WIZ: variants seen among roughly 807,000 people sequenced by gnomAD.
The protein encoded by WIZ is WIZ zinc finger, also known as protein Wiz.
A neutral mutation model predicts 140.2 loss-of-function variants in WIZ; 25 were observed. The ratio of observed to expected loss-of-function variants is 0.18; its 90% CI spans 0.13 to 0.25. The LOEUF (loss-of-function observed/expected upper bound fraction) is 0.25. Among genes scored for constraint, WIZ ranks in the 10% least tolerant of loss-of-function variants. The pLI is 1.00. For synonymous variants in WIZ, 1,125 were observed against 1,154.3 expected (o/e 0.97, Z 0.51); for missense variants, 2,231 against 2,632.6 (o/e 0.85, Z 3.34).
At chr19:15,438,303 G>A (rs1301441443) in intron 4 of WIZ, among the ~76,000 whole-genome samples, 4 of 152,182 alleles carry the variant, frequency 2.6e-5, no homozygotes, top group Non-Finnish European at 5.9e-5. Context: ...GGGGAACCTT[G>A]CTCAGTAAAT....
intron 1 of WIZ, 62 bp downstream of exon 1, chr19:15,449,736 C>G (rs1394174042): frequency 6.9e-6 from 1 of 144,792 alleles, no homozygotes; most frequent in Non-Finnish European, 1.5e-5. Flanking sequence ...GGCCCGGGGC[C>G]TCCCCCGCCC....
chr19:15,428,423 G>A lies in WIZ; in HGVS notation c.3501C>T (p.Ala1167=). The change falls in exon 8 of 13, where the codon GCC becomes GCT. Residue 1167 remains alanine (A), a synonymous_variant. Transcript: ENST00000673675. This position sits in a 1 kb window ranked among gnomAD's most constrained non-coding sequence, Gnocchi z 6.4. The part of the protein sequence containing the change: ...FETRKGLSSH[A]RAHLRHLGVS... Reference sequence around the variant, plus strand: ...CGCCCAGGTGGCGCAGGTGGGCACGGGCGTGGCTAGACAGGCCCTTGCGGG... The same window carrying A: ...CGCCCAGGTGGCGCAGGTGGGCACGAGCGTGGCTAGACAGGCCCTTGCGGG... The A allele has an allele frequency of 6.5e-7, 1 of 1,535,648 alleles. No homozygotes were observed. The highest frequency in any genetic ancestry group is 8.7e-7 in the Non-Finnish European group (1 of 1,146,812).
At chr19:15,423,586 C>CA (rs2145192629) in intron 12 of WIZ, among the ~76,000 whole-genome samples, 1 of 151,902 alleles carries the variant, frequency 6.6e-6, no homozygotes, top group South Asian at 2.1e-4. Context: ...AAGCCCCCCA[C>CA]CTCCTCCTGT....
chr19:15,438,461 C>G (rs915206928), intron 4 of WIZ, 117 bp downstream of exon 4: 15 of 1,227,964 alleles, frequency 1.2e-5, no homozygotes, highest in South Asian at 3.6e-5. Flanking sequence ...GCTCTCAAGT[C>G]TCTCAGGAGC....
At position 15,430,098 on chromosome 19, in the gene WIZ, C is replaced by A; in HGVS notation, c.2912-9G>T. 6.6e-7 allele frequency: 1 copy of A among 1,513,166 alleles called. No individual in the cohort carries two copies. The highest frequency in any genetic ancestry group is 8.8e-7 in the Non-Finnish European group (1 of 1,132,150). 93.7% of individuals were successfully genotyped at this position (1,513,166 alleles called of 1,614,324 possible). ...GGTGGTCAGGCTCTGGGCTGAAGGG[C>A]AACACAGAGGCCGGGAGAGCAGGCT... On this transcript the variant is annotated splice_polypyrimidine_tract_variant and intron_variant, in intron 6 of 12. Transcript: ENST00000673675.
At chr19:15,449,038 G>A (rs1365472362) in intron 1 of WIZ, among the ~76,000 whole-genome samples, 1 of 151,796 alleles carries the variant, frequency 6.6e-6, no homozygotes, top group Non-Finnish European at 1.5e-5. Flanking sequence ...TACCCAGCTT[G>A]GGCTCCTCCA....
rs1433771177 is a variant in WIZ at position 15,440,438 on chromosome 19, A to C, written c.556T>G (p.Trp186Gly). ...CCCTGCTCGTCCTCATCTTGGAGCC[A>C]GTCGAACCTGGGGCGGCCCTGGGCA... ...KHAQGRPRFD[W>G]LQDEDEQGSP... The change falls in exon 4 of 13, where the codon TGG becomes GGG. Residue 186 changes from tryptophan to glycine, a missense_variant. Physicochemically the swap from Trp to Gly is radical, Grantham distance 184. Transcript: ENST00000673675. This position sits in a 1 kb window ranked among gnomAD's most constrained non-coding sequence, Gnocchi z 6.2. 4 of 1,535,932 alleles carry C rather than the reference A, an allele frequency of 2.6e-6. No individual in the cohort carries two copies. Among genetic ancestry groups the C allele is most frequent in the African/African-American group, 2.7e-5 (2 of 73,012 alleles).
At chr19:15,429,504 CTGTCCCT>C in intron 7 of WIZ, 75 bp downstream of exon 7, 1 of 1,251,372 alleles carries the variant, frequency 8.0e-7, no homozygotes, top group Non-Finnish European at 1.0e-6. Context: ...ACCCTGGGCC[CTGTCCCT>C]GGGCTACAGC....
At chr19:15,449,715 T>TGGCCC (rs893690902) in intron 1 of WIZ, 83 bp downstream of exon 1, 4 of 98,496 alleles carry the variant, frequency 4.1e-5, no homozygotes, top group Non-Finnish European at 5.9e-5. Flanking sequence ...GGGTCCCGCC[T>TGGCCC]GGCCCGGCCC....
In WIZ at chr19:15,427,252, G is replaced by T; in HGVS notation, c.4096C>A (p.Pro1366Thr). 6.2e-7 allele frequency: 1 copy of T among 1,613,852 alleles called. No individual in the cohort carries two copies. Among genetic ancestry groups the T allele is most frequent in the Non-Finnish European group, 8.5e-7 (1 of 1,180,030 alleles). The change falls in exon 9 of 13, where the codon CCC becomes ACC. Residue 1366 changes from proline (P) to threonine (T), a missense_variant. Coordinates refer to ENST00000673675, the MANE Select transcript of WIZ (RefSeq NM_001371589.1). The surrounding 1 kb of genome is among the most constrained non-coding windows in gnomAD (Gnocchi z 6.4). ...AAGGGTGAGATGTGAAGGTCCGAGG[G>T]GCTGCGGGCTTCCAGTGAGCTGCCA... ...GPGSSLEARS[P>T]SDLHISPLAK...
chr19:15,438,901 G>A lies in WIZ; in HGVS notation c.2093C>T (p.Ala698Val). The A allele has an allele frequency of 1.4e-6, 2 of 1,449,746 alleles. No individual in the cohort carries two copies. The highest frequency in any genetic ancestry group is 9.1e-7 in the Non-Finnish European group (1 of 1,102,036). The allele number at this position is 1,449,746 out of a possible 1,614,324, so 89.8% of individuals were successfully genotyped here. A position where few individuals can be genotyped will look rare whatever the true frequency, so the allele number is the denominator to read the frequency against. ...GGGCTGCAACCTTGGGGGCACCCTG[G>A]CTGCCGCCATGACCTGCGGCCCCAG... ...AKLGPQVMAA[A>V]RVPPRLQPEE... Residue 698 changes from alanine to valine, a missense_variant, in exon 4 of 13, where the codon GCC becomes GTC. Ala to Val is a moderately conservative substitution (Grantham distance 64, BLOSUM62 0). Around this residue, in one of 15 missense-constraint regions of WIZ, gnomAD observed 475 missense variants for 520.2 expected, o/e 0.91. Coordinates refer to ENST00000673675, the MANE Select transcript of WIZ (RefSeq NM_001371589.1).
chr19:15,432,724 G>A (rs1202074883), intron 5 of WIZ, among the ~76,000 whole-genome samples: 9 of 151,082 alleles, frequency 6.0e-5, no homozygotes, highest in Non-Finnish European at 1.3e-4. Flanking sequence ...GGCGCACGCG[G>A]GGCGGCCGCC....
At chr19:15,432,227 G>A (rs551542410) in intron 5 of WIZ, among the ~76,000 whole-genome samples, 1 of 152,120 alleles carries the variant, frequency 6.6e-6, no homozygotes, top group East Asian at 1.9e-4. Context: ...CTGTCAGACG[G>A]GGCAAAGGTC....
intron 2 of WIZ, among the ~76,000 whole-genome samples, chr19:15,446,196 G>A (rs1390381549): frequency 6.6e-6 from 1 of 152,148 alleles, no homozygotes; most frequent in African/African-American, 2.4e-5. Context: ...ATGCACGTAT[G>A]AGACCCTGGG....
In WIZ at chr19:15,428,306, G is replaced by A. The variant is rs568869884; in HGVS notation, c.3618C>T (p.Arg1206=). 231 of 1,532,512 alleles carry A rather than the reference G, an allele frequency of 1.5e-4. No homozygotes were observed. The highest frequency in any genetic ancestry group is 7.0e-4 in the South Asian group (59 of 83,774). The allele number at this position is 1,532,512 out of a possible 1,614,324, so 94.9% of individuals were successfully genotyped here. A position where few individuals can be genotyped will look rare whatever the true frequency, so the allele number is the denominator to read the frequency against. The change falls in exon 8 of 13, where the codon CGC becomes CGT. Residue 1206 remains arginine (R), a synonymous_variant. Transcript: ENST00000673675. The surrounding 1 kb of genome is among the most constrained non-coding windows in gnomAD (Gnocchi z 6.4). ...GCCGCCCCGGGTGGGCCAGGGCGCC[G>A]CGCCTGGGTGGGAGGCGGATCTGGA... ...DGVQIRLPPR[R]GALAHPGRPP...
chr19:15,440,811 C>A lies in WIZ; in HGVS notation c.279-96G>T, dbSNP rs1222692583. 2 of 1,270,950 alleles carry A rather than the reference C, an allele frequency of 1.6e-6. No homozygotes were observed. The highest frequency in any genetic ancestry group is 2.1e-6 in the Non-Finnish European group (2 of 951,152). 78.7% of individuals were successfully genotyped at this position (1,270,950 alleles called of 1,614,324 possible). A position where few individuals can be genotyped will look rare whatever the true frequency, so the allele number is the denominator to read the frequency against. On this transcript the variant is annotated intron_variant, in intron 3 of 12. Coordinates refer to ENST00000673675, the MANE Select transcript of WIZ (RefSeq NM_001371589.1). This position sits in a 1 kb window ranked among gnomAD's most constrained non-coding sequence, Gnocchi z 6.2. ...GTCCTCCCAGGCCGTTTGAAGCAGG[C>A]CCCGGAGATCCAGCCCGAGGGTGAC...
rs1969645737 is a variant in WIZ at position 15,439,437 on chromosome 19, G to A, written c.1557C>T (p.Asp519=). ...CTTTGCCAAAGTAGTCCACAGCAGT[G>A]TCAGGGAAGCAGGCGTGAGCATCCT... ...TSQDAHACFP[D]TAVDYFGKAE... is the part of the protein sequence containing the mutation. Residue 519 remains aspartate, a synonymous_variant, in exon 4 of 13, where the codon GAC becomes GAT. Coordinates refer to ENST00000673675, the MANE Select transcript of WIZ (RefSeq NM_001371589.1). The surrounding 1 kb of genome is among the most constrained non-coding windows in gnomAD (Gnocchi z 7.0). The A allele has an allele frequency of 6.5e-7, 1 of 1,531,504 alleles. No homozygotes were observed. Among genetic ancestry groups the A allele is most frequent in the African/African-American group, 1.4e-5 (1 of 72,948 alleles). The allele number at this position is 1,531,504 out of a possible 1,614,324, so 94.9% of individuals were successfully genotyped here. A position where few individuals can be genotyped will look rare whatever the true frequency, so the allele number is the denominator to read the frequency against.
chr19:15,425,819 AGGAGGAG>A (rs1568290112), intron 9 of WIZ, 51 bp from the exon 10 acceptor site: 1,586 of 40,808 alleles, frequency 0.039, 252 homozygotes, highest in Admixed American at 0.086. Context: ...AGGAGGAGGG[AGGAGGAG>A]GGAGGAGGAG....
chr19:15,433,352 C>T (rs1406970736), intron 5 of WIZ: 16 of 985,338 alleles, frequency 1.6e-5, no homozygotes, highest in Non-Finnish European at 1.9e-5. Flanking sequence ...GAACATTGCC[C>T]CGCCCCCAAC....
Sources: gnomAD v4.1 joint callset for allele counts (sites outside exome capture counted in the v4.1 genomes callset) on GRCh38, gnomAD v4.1.1 for gene constraint, gnomAD v4.1.1 regional missense constraint, Gnocchi (gnomAD v3.1) non-coding constraint, MANE v1.5 for transcripts, NCBI Gene and HGNC (gene_info 2026-07-23, HGNC 2026-07-21) for gene names.